Variants in CBLIF observed in about 807,000 individuals in gnomAD.
The protein encoded by CBLIF is gastric intrinsic factor (vitamin B synthesis).
Under a neutral mutation model 44.9 loss-of-function variants are expected in CBLIF, and 24 were observed. The ratio of observed to expected loss-of-function variants is 0.53; its 90% CI spans 0.39 to 0.75. CBLIF has a LOEUF of 0.75. Ranked by LOEUF, CBLIF falls within the 30% of genes least tolerant of loss-of-function variation. The pLI is 0.00. For missense variants in CBLIF, 481 were observed against 513.0 expected, an observed-to-expected ratio of 0.94 and a Z score of 0.60; for synonymous variants, 183 against 190.9, an observed-to-expected ratio of 0.96 and a Z score of 0.34.
At chr11:59,845,155 A>G in intron 1 of CBLIF, 1 of 573,130 alleles carries the variant, frequency 1.7e-6, no homozygotes, top group Non-Finnish European at 3.2e-6. Context: ...GAGCCACTGC[A>G]CCTGGCCCCA....
rs1257766660 is a variant in CBLIF, at chr11:59,842,435, C to T, written c.511+8G>A. On this transcript the variant is annotated splice_region_variant and intron_variant, in intron 4 of 8. Coordinates refer to ENST00000257248, the MANE Select transcript of CBLIF (RefSeq NM_005142.3). ...GTTCCCAGCTCGGGGTAGTGGTGAC[C>T]TACTCACCTACATTGAAGGGAGAGG... The T allele has an allele frequency of 6.2e-7, 1 of 1,613,410 alleles. No homozygotes were observed. Among genetic ancestry groups the T allele is most frequent in the Non-Finnish European group, 8.5e-7 (1 of 1,179,916 alleles).
intron 7 of CBLIF, among the ~76,000 whole-genome samples, chr11:59,835,117 G>T (rs1019836897): frequency 3.3e-5 from 5 of 151,210 alleles, no homozygotes; most frequent in Admixed American, 6.6e-5. Flanking sequence ...CAGTCTTATC[G>T]CAAATGCTTT....
In CBLIF at chr11:59,843,043, T is replaced by G. The variant is rs1361218351; in HGVS notation, c.355A>C (p.Asn119His). ...CAGGTCTTACTGGAAGGTGCCCAGT[T>G]CTCCATTTGTCTTTGTAGAATGGAT... is the stretch of plus-strand genomic sequence containing the variant. Reference protein sequence around the residue: ...KVSILQRQMENWAPSSPNAEA... With the variant: ...KVSILQRQMEHWAPSSPNAEA... The change falls in exon 3 of 9, where the codon AAC becomes CAC. Residue 119 changes from asparagine to histidine, a missense_variant. Coordinates refer to ENST00000257248, the MANE Select transcript of CBLIF (RefSeq NM_005142.3). 1 of 1,603,830 alleles carries G rather than the reference T, an allele frequency of 6.2e-7. No individual in the cohort carries two copies. Among genetic ancestry groups the G allele is most frequent in the Non-Finnish European group, 8.5e-7 (1 of 1,170,794 alleles).
At chr11:59,837,448 G>GATTA in intron 5 of CBLIF, 97 bp from the exon 6 acceptor site, 1 of 900,550 alleles carries the variant, frequency 1.1e-6, no homozygotes, top group Non-Finnish European at 1.8e-6. Context: ...CACTAATCAT[G>GATTA]GTGATCACGT....
At chr11:59,833,441 C>G (rs1378259814) in intron 7 of CBLIF, among the ~76,000 whole-genome samples, 1 of 151,146 alleles carries the variant, frequency 6.6e-6, no homozygotes, top group Non-Finnish European at 1.5e-5. Flanking sequence ...CACTTGAACC[C>G]GGGAGGTGGG....
At chr11:59,838,943 G>A (rs1302921430) in intron 5 of CBLIF, among the ~76,000 whole-genome samples, 4 of 151,000 alleles carry the variant, frequency 2.6e-5, no homozygotes, top group Admixed American at 6.6e-5. Flanking sequence ...CCGTCTCCCG[G>A]GTTCAAGTGA....
At chr11:59,829,643 A>G (rs1565205913) in intron 8 of CBLIF, 98 bp from the exon 9 acceptor site, 2 of 762,218 alleles carry the variant, frequency 2.6e-6, no homozygotes, top group Non-Finnish European at 4.8e-6. Context: ...GAACCCATTA[A>G]ATGTTTTTAA....
chr11:59,833,471 C>T (rs946893381), intron 7 of CBLIF, among the ~76,000 whole-genome samples: 46 of 151,104 alleles, frequency 3.0e-4, no homozygotes, highest in African/African-American at 4.9e-5. Context: ...GAGCCGAGAT[C>T]GCGCCATTGC....
chr11:59,834,369 A>C (rs1590856300), intron 7 of CBLIF, among the ~76,000 whole-genome samples: 2 of 94,794 alleles, frequency 2.1e-5, no homozygotes, highest in Non-Finnish European at 4.3e-5. Flanking sequence ...TCTCTCTCTC[A>C]ATTCCTTCTT....
chr11:59,830,207 A>G (rs1459091972), intron 8 of CBLIF, among the ~76,000 whole-genome samples: 3 of 146,288 alleles, frequency 2.1e-5, no homozygotes, highest in African/African-American at 7.6e-5. Flanking sequence ...AATATGCCTG[A>G]TTTAAGTTCC....
chr11:59,837,097 G>C (rs557439035), intron 6 of CBLIF, 77 bp downstream of exon 6: 154 of 1,102,906 alleles, frequency 1.4e-4, no homozygotes, highest in Non-Finnish European at 2.1e-4. Context: ...AAGCCTATAT[G>C]CCACTTAACA....
At chr11:59,844,127 T>C in intron 1 of CBLIF, 72 bp from the exon 2 acceptor site, 1 of 1,217,514 alleles carries the variant, frequency 8.2e-7, no homozygotes. Context: ...CCCGTGTCTT[T>C]GATGCTTTTT....
At chr11:59,831,527 T>C (rs973606888) in intron 8 of CBLIF, 151 bp downstream of exon 8, 6 of 533,170 alleles carry the variant, frequency 1.1e-5, no homozygotes, top group Non-Finnish European at 3.4e-6. Flanking sequence ...TATACATATA[T>C]AAGCAATCAC....
intron 6 of CBLIF, among the ~76,000 whole-genome samples, chr11:59,836,459 C>T (rs1473640342): frequency 6.6e-6 from 1 of 152,142 alleles, no homozygotes; most frequent in African/African-American, 2.4e-5. Flanking sequence ...TATGCAAGAC[C>T]TCCACTTTCC....
intron 5 of CBLIF, among the ~76,000 whole-genome samples, chr11:59,837,699 G>A (rs905695410): frequency 6.6e-6 from 1 of 152,176 alleles, no homozygotes; most frequent in Non-Finnish European, 1.5e-5. Flanking sequence ...CATAAACGGA[G>A]TAGACCCCTT....
intron 8 of CBLIF, among the ~76,000 whole-genome samples, chr11:59,830,022 A>C (rs1866349049): frequency 6.6e-6 from 1 of 152,144 alleles, no homozygotes; most frequent in African/African-American, 2.4e-5. Context: ...AAGAAAGAGC[A>C]GTGGGTTGAG....
At chr11:59,837,791 C>A (rs1443585094) in intron 5 of CBLIF, among the ~76,000 whole-genome samples, 2 of 152,160 alleles carry the variant, frequency 1.3e-5, no homozygotes, top group African/African-American at 4.8e-5. Context: ...GCTCCACAAC[C>A]CTGGCCCAGG....
intron 5 of CBLIF, among the ~76,000 whole-genome samples, chr11:59,838,017 C>T (rs1170881854): frequency 6.6e-6 from 1 of 152,136 alleles, no homozygotes; most frequent in Admixed American, 6.5e-5. Flanking sequence ...AGAAGCCCTG[C>T]AGCAGGAAAG....
chr11:59,834,292 CTTTCTTTCTTTCTTT>C (rs1590856089), intron 7 of CBLIF, among the ~76,000 whole-genome samples: 108 of 137,802 alleles, frequency 7.8e-4, no homozygotes, highest in Middle Eastern at 3.5e-3. Context: ...TTCTTTCTTT[CTTTCTTTCTTTCTTT>C]CTTTCTTCCT....
Sources: gnomAD v4.1 joint callset for allele counts (sites outside exome capture counted in the v4.1 genomes callset) on GRCh38, gnomAD v4.1.1 for gene constraint, MANE v1.5 for transcripts, NCBI Gene and HGNC (gene_info 2026-07-23, HGNC 2026-07-21) for gene names.